PTPN3: variants seen among roughly 807,000 people sequenced by gnomAD.
PTPN3 encodes protein tyrosine phosphatase non-receptor type 3.
PTPN3 carries 96 observed loss-of-function variants against 132.7 expected under a neutral mutation model. The ratio of observed to expected loss-of-function variants is 0.72; its 90% CI spans 0.61 to 0.86. The LOEUF is 0.86. Among genes scored for constraint, PTPN3 ranks in the 40% least tolerant of loss-of-function variants. PTPN3 has a pLI of 0.00. For missense variants in PTPN3, 1,125 were observed against 1,159.6 expected, an observed-to-expected ratio of 0.97 and a Z score of 0.43; for synonymous variants, 398 against 429.0, an observed-to-expected ratio of 0.93 and a Z score of 0.89.
At position 109,377,453 on chromosome 9, in the gene PTPN3, CACACAA is replaced by C. The variant is rs1184779572; in HGVS notation, c.*2097_*2102del. ...ACACACACACACACACACACACACACACACAAGCCAGGTGAGGTGGCATGTGCCTAT... is the reference window on the plus strand; with the variant it reads ...ACACACACACACACACACACACACACGCCAGGTGAGGTGGCATGTGCCTAT... On this transcript the variant is annotated 3_prime_UTR_variant, in exon 26 of 26. Coordinates refer to ENST00000374541, the MANE Select transcript of PTPN3 (RefSeq NM_002829.4). 8.9e-4 allele frequency: 114 copies of C among 128,464 alleles called. 3 individuals carry two copies. Among genetic ancestry groups the C allele is most frequent in the African/African-American group, 3.0e-3 (98 of 33,130 alleles). 8.0% of individuals were successfully genotyped at this position (128,464 alleles called of 1,614,324 possible).
rs184297445 is a variant in PTPN3 at position 109,447,155 on chromosome 9, T to C, written c.413+1656A>G. ...AGATTTGCCCTGATTCACATGGAAA[T>C]AACAAGGGGCATTTTGTTTGGAGAA... On this transcript the variant is annotated intron_variant, in intron 6 of 25. Transcript: ENST00000374541. Among the ~76,000 whole-genome samples the C allele has an allele frequency of 9.9e-5, 15 of 152,206 alleles. No homozygotes were observed. The East Asian group carries it at 2.9e-3, about 29-fold the overall frequency.
At position 109,379,349 on chromosome 9, in the gene PTPN3, C is replaced by A; in HGVS notation, c.*207G>T. 3.5e-6 allele frequency: 2 copies of A among 575,168 alleles called. No homozygotes were observed. 35.6% of individuals were successfully genotyped at this position (575,168 alleles called of 1,614,324 possible). ...TTGTATCTTTCCATAGAAATACAGG[C>A]CTAAATGATGCCATAATTGCATGCT... On this transcript the variant is annotated 3_prime_UTR_variant, in exon 26 of 26. Transcript: ENST00000374541.
chr9:109,379,264 GGT>G lies in PTPN3; in HGVS notation c.*290_*291del. On this transcript the variant is annotated 3_prime_UTR_variant, in exon 26 of 26. Coordinates refer to ENST00000374541, the MANE Select transcript of PTPN3 (RefSeq NM_002829.4). ...TCAATTGCTCCAGGATGCCGACAGG[GGT>G]GTGTGTGGTGATGTTAGGGAAGAAG... 2.8e-6 allele frequency: 1 copy of G among 350,988 alleles called. No individual in the cohort carries two copies. The highest frequency in any genetic ancestry group is 5.2e-6 in the Non-Finnish European group (1 of 192,292). The allele number at this position is 350,988 out of a possible 1,614,324, so 21.7% of individuals were successfully genotyped here. A position where few individuals can be genotyped will look rare whatever the true frequency, so the allele number is the denominator to read the frequency against.
At chr9:109,529,756 C>T in the PTPN3 span, among the ~76,000 whole-genome samples, 9 of 152,190 alleles carry the variant, frequency 5.9e-5, no homozygotes, top group Admixed American at 4.6e-4. Context: ...CAATAACCAT[C>T]CACAGAACCT....
At chr9:109,415,030 C>A (rs1374879535) in intron 14 of PTPN3, among the ~76,000 whole-genome samples, 1 of 151,854 alleles carries the variant, frequency 6.6e-6, no homozygotes, top group Non-Finnish European at 1.5e-5. Context: ...ATTTGTCCGT[C>A]TGTCCGTCCG....
chr9:109,457,256 A>C, intron 3 of PTPN3, 36 bp downstream of exon 3: 1 of 1,613,118 alleles, frequency 6.2e-7, no homozygotes, highest in Non-Finnish European at 8.5e-7. Flanking sequence ...GCAAACCGTG[A>C]AGGAGTTCAG....
intron 1 of PTPN3, among the ~76,000 whole-genome samples, chr9:109,467,543 T>C (rs1014928127): frequency 6.6e-6 from 1 of 152,178 alleles, no homozygotes; most frequent in African/African-American, 2.4e-5. Context: ...ATCTAAGCCA[T>C]GCACTATGTG....
chr9:109,435,258 C>A (rs959207944), intron 9 of PTPN3, among the ~76,000 whole-genome samples: 2 of 152,308 alleles, frequency 1.3e-5, no homozygotes, highest in South Asian at 4.1e-4. Context: ...AATTCCCAGG[C>A]CCAACCCCAC....
Position 109,448,803 on chromosome 9 carries a change from C to A in PTPN3, c.413+8G>T. 1 of 1,591,518 alleles carries A rather than the reference C, an allele frequency of 6.3e-7. No individual in the cohort carries two copies. Among genetic ancestry groups the A allele is most frequent in the Non-Finnish European group, 8.5e-7 (1 of 1,173,182 alleles). ...AACAGGAAAAGAAAAATGTAAAATT[C>A]TCATTACCTTCCTTCGCAAATATCC... On this transcript the variant is annotated splice_region_variant and intron_variant, in intron 6 of 25. Coordinates refer to ENST00000374541, the MANE Select transcript of PTPN3 (RefSeq NM_002829.4).
the PTPN3 span, chr9:109,534,199 G>T: frequency 8.7e-7 from 1 of 1,154,364 alleles, no homozygotes; most frequent in Non-Finnish European, 1.3e-6. Flanking sequence ...AGGTGCTGCT[G>T]ATGTGAAGCC....
intron 19 of PTPN3, among the ~76,000 whole-genome samples, chr9:109,396,835 C>A (rs1227707067): frequency 6.6e-6 from 1 of 152,124 alleles, no homozygotes; most frequent in East Asian, 1.9e-4. Context: ...TAGAACAAGT[C>A]ACCTACTATA....
rs1173457033 is a variant in PTPN3 at position 109,407,049 on chromosome 9, G to C, written c.1636-431C>G. The stretch of plus-strand genomic sequence containing the variant: ...CACAACAGAGGCAAAAACCATTATG[G>C]AGAGAAGCAATGAATTGAACAGCAC... On this transcript the variant is annotated intron_variant, in intron 17 of 25. Transcript: ENST00000374541. Among the ~76,000 whole-genome samples the C allele has an allele frequency of 2.6e-5, 4 of 152,166 alleles. No individual in the cohort carries two copies. The East Asian group carries it at 5.8e-4, about 22-fold the overall frequency.
the PTPN3 span, among the ~76,000 whole-genome samples, chr9:109,512,985 G>A: frequency 6.6e-6 from 1 of 152,128 alleles, no homozygotes; most frequent in East Asian, 1.9e-4. Flanking sequence ...GGCTCAAGCT[G>A]TGTATTATAT....
chr9:109,416,440 T>A (rs1842498157), intron 14 of PTPN3, among the ~76,000 whole-genome samples: 1 of 141,148 alleles, frequency 7.1e-6, no homozygotes, highest in Non-Finnish European at 1.5e-5. Context: ...TTGTTTTTTG[T>A]TTTTTTGTTT....
chr9:109,416,716 G>A (rs1454804015), intron 14 of PTPN3, among the ~76,000 whole-genome samples: 1 of 151,956 alleles, frequency 6.6e-6, no homozygotes, highest in African/African-American at 2.4e-5. Flanking sequence ...CAAAGTACTG[G>A]GATTATAGGT....
chr9:109,518,801 C>T, the PTPN3 span, among the ~76,000 whole-genome samples: 2 of 152,294 alleles, frequency 1.3e-5, no homozygotes, highest in East Asian at 3.9e-4. Flanking sequence ...TGAGCAAGTT[C>T]CTTCTCTGCC....
At chr9:109,487,577 T>C (rs536630024) in intron 1 of PTPN3, among the ~76,000 whole-genome samples, 2 of 152,338 alleles carry the variant, frequency 1.3e-5, no homozygotes, top group South Asian at 4.1e-4. Flanking sequence ...CAGGTGATTC[T>C]GATGTGCTAT....
intron 7 of PTPN3, among the ~76,000 whole-genome samples, chr9:109,439,935 A>C (rs1844333608): frequency 6.6e-6 from 1 of 151,396 alleles, no homozygotes; most frequent in African/African-American, 2.4e-5. Flanking sequence ...AAAAGGGAAG[A>C]TGCAAAGGTT....
intron 2 of PTPN3, among the ~76,000 whole-genome samples, chr9:109,462,936 G>C (rs1845918666): frequency 6.6e-6 from 1 of 151,340 alleles, no homozygotes; most frequent in African/African-American, 2.4e-5. Context: ...CCTGACGTGG[G>C]CTCTAATGAA....
Sources: allele counts gnomAD v4.1 joint callset (sites outside exome capture counted in the v4.1 genomes callset), GRCh38; gene constraint gnomAD v4.1.1; transcripts MANE v1.5; gene names NCBI Gene and HGNC (gene_info 2026-07-23, HGNC 2026-07-21).